Variants in RAB6A observed in about 807,000 individuals in gnomAD.
The protein encoded by RAB6A is RAB6A, member RAS oncogene family.
Under a neutral mutation model 32.3 loss-of-function variants are expected in RAB6A, and 8 were observed. The observed-to-expected ratio is 0.25, with a 90% CI of 0.15 to 0.45. The LOEUF (loss-of-function observed/expected upper bound fraction) is 0.45. RAB6A is among the 20% of genes least tolerant of loss of function. RAB6A has a pLI of 1.00. For missense variants in RAB6A, 104 were observed against 249.4 expected (o/e 0.42, Z 3.93); for synonymous variants, 73 against 82.1 (o/e 0.89, Z 0.60).
chr11:73,691,585 G>C (rs1193173012), intron 6 of RAB6A, among the ~76,000 whole-genome samples: 3 of 152,124 alleles, frequency 2.0e-5, no homozygotes, highest in Non-Finnish European at 4.4e-5. Context: ...TTTCATCTTT[G>C]TTATCCCAGT....
chr11:73,721,866 T>C (rs1274985237), intron 2 of RAB6A, among the ~76,000 whole-genome samples: 2 of 152,140 alleles, frequency 1.3e-5, no homozygotes, highest in Non-Finnish European at 2.9e-5. Flanking sequence ...AATCAAAAAC[T>C]AGATCAGAAA....
At chr11:73,706,391 G>A (rs1945844187) in intron 6 of RAB6A, among the ~76,000 whole-genome samples, 1 of 152,000 alleles carries the variant, frequency 6.6e-6, no homozygotes, top group African/African-American at 2.4e-5. Context: ...GCAGGCACCT[G>A]TAGTCCCAGC....
intron 6 of RAB6A, among the ~76,000 whole-genome samples, chr11:73,693,459 C>T (rs762602557): frequency 1.3e-5 from 2 of 151,702 alleles, no homozygotes; most frequent in Non-Finnish European, 2.9e-5. Flanking sequence ...TGCAGTGGCT[C>T]ACGCCTGCAA....
chr11:73,701,841 A>C (rs541336538), intron 6 of RAB6A, among the ~76,000 whole-genome samples: 30 of 152,170 alleles, frequency 2.0e-4, no homozygotes, highest in African/African-American at 7.2e-4. Context: ...GGGTTTCGTC[A>C]TGTTGCCCAA....
At chr11:73,682,253 G>C (rs1480213335) in intron 6 of RAB6A, among the ~76,000 whole-genome samples, 1 of 152,132 alleles carries the variant, frequency 6.6e-6, no homozygotes, top group African/African-American at 2.4e-5. Flanking sequence ...ATTGAGCCCA[G>C]AAGTTTGAGA....
At chr11:73,689,980 T>C (rs555177050) in intron 6 of RAB6A, among the ~76,000 whole-genome samples, 3 of 152,156 alleles carry the variant, frequency 2.0e-5, no homozygotes, top group East Asian at 1.9e-4. Flanking sequence ...TATTTTACAG[T>C]TTGGCTTTTT....
chr11:73,711,048 A>G (rs1945950537), intron 5 of RAB6A, among the ~76,000 whole-genome samples: 1 of 152,182 alleles, frequency 6.6e-6, no homozygotes, highest in African/African-American at 2.4e-5. Context: ...AAAGGCATAG[A>G]TGCAGAGGAG....
chr11:73,739,280 A>ATTAT (rs1389085059), intron 1 of RAB6A, among the ~76,000 whole-genome samples: 1 of 18,430 alleles, frequency 5.4e-5, no homozygotes, highest in Non-Finnish European at 1.3e-4. Context: ...AAAAAAAAAA[A>ATTAT]AAAAATATAT....
intron 6 of RAB6A, among the ~76,000 whole-genome samples, chr11:73,691,191 G>T (rs1421713473): frequency 1.3e-5 from 2 of 152,158 alleles, no homozygotes; most frequent in Non-Finnish European, 2.9e-5. Context: ...CCTTAGAAGG[G>T]GGCTCTGGGG....
At chr11:73,679,399 AAG>A (rs1327252708) in intron 7 of RAB6A, among the ~76,000 whole-genome samples, 1 of 152,242 alleles carries the variant, frequency 6.6e-6, no homozygotes, top group Non-Finnish European at 1.5e-5. Context: ...CAGGGATTCT[AAG>A]AGTTTCCTGC....
chr11:73,736,842 G>A (rs1201044646), intron 1 of RAB6A, among the ~76,000 whole-genome samples: 1 of 141,424 alleles, frequency 7.1e-6, no homozygotes, highest in African/African-American at 2.6e-5. Context: ...AGCCAGGCAT[G>A]GTGGTACATA....
At chr11:73,705,615 C>T (rs769371177) in intron 6 of RAB6A, among the ~76,000 whole-genome samples, 1 of 152,016 alleles carries the variant, frequency 6.6e-6, no homozygotes, top group Non-Finnish European at 1.5e-5. Context: ...CCAGATGAAG[C>T]TACCCACTGC....
intron 1 of RAB6A, among the ~76,000 whole-genome samples, chr11:73,753,392 T>C (rs1320890457): frequency 1.0e-3 from 158 of 151,834 alleles, no homozygotes; most frequent in Non-Finnish European, 1.3e-4. Flanking sequence ...AGACAGGGTT[T>C]CACCATGTTG....
At chr11:73,752,689 A>G (rs1386742595) in intron 1 of RAB6A, among the ~76,000 whole-genome samples, 1 of 152,020 alleles carries the variant, frequency 6.6e-6, no homozygotes, top group Non-Finnish European at 1.5e-5. Flanking sequence ...TTGGTGGCGC[A>G]TGCTTGTGGT....
At chr11:73,743,341 A>C (rs1178038147) in intron 1 of RAB6A, among the ~76,000 whole-genome samples, 1 of 151,806 alleles carries the variant, frequency 6.6e-6, no homozygotes, top group African/African-American at 2.4e-5. Flanking sequence ...GAAAGAAAGC[A>C]CTGTCAGTGT....
At position 73,719,760 on chromosome 11, in the gene RAB6A, C is replaced by T. The variant is rs11235877; in HGVS notation, c.184-1042G>A. Among the ~76,000 whole-genome samples, 14 of 151,810 alleles carry T rather than the reference C, an allele frequency of 9.2e-5. No homozygotes were observed. The East Asian group carries it at 1.4e-3, about 15-fold the overall frequency. On this transcript the variant is annotated intron_variant, in intron 3 of 7. Transcript: ENST00000336083. ...CCTCCCGAGTAGCTGGGATTACAGG[C>T]GCCCGCCACCACGCCCAGCTAATTT...
intron 1 of RAB6A, among the ~76,000 whole-genome samples, chr11:73,751,956 C>T (rs1245534531): frequency 6.6e-6 from 1 of 152,060 alleles, no homozygotes; most frequent in Non-Finnish European, 1.5e-5. Flanking sequence ...AAAACAAAAA[C>T]ACAACTCTCA....
chr11:73,707,408 A>C lies in RAB6A; in HGVS notation c.495+12T>G, dbSNP rs1004172724. The C allele has an allele frequency of 6.3e-7, 1 of 1,587,236 alleles. No homozygotes were observed. The highest frequency in any genetic ancestry group is 1.3e-5 in the African/African-American group (1 of 74,318). On this transcript the variant is annotated intron_variant, in intron 6 of 7. Coordinates refer to ENST00000336083, the MANE Select transcript of RAB6A (RefSeq NM_198896.2). The stretch of plus-strand genomic sequence containing the variant: ...CATATTTTTTCAATTTGGTAACCTC[A>C]ACTCAACTTACCTGCTTTACATTGT...
At chr11:73,705,884 A>G (rs1224536142) in intron 6 of RAB6A, among the ~76,000 whole-genome samples, 2 of 152,104 alleles carry the variant, frequency 1.3e-5, no homozygotes, top group Non-Finnish European at 2.9e-5. Flanking sequence ...ATCAGGTGTC[A>G]CAGACAGGAG....
Sources: gnomAD v4.1 joint callset for allele counts (sites outside exome capture counted in the v4.1 genomes callset) on GRCh38, gnomAD v4.1.1 for gene constraint, MANE v1.5 for transcripts, NCBI Gene and HGNC (gene_info 2026-07-23, HGNC 2026-07-21) for gene names.